NBAS: variants seen among roughly 807,000 people sequenced by gnomAD.
NBAS encodes the protein NBAS subunit of NRZ tethering complex, also known as NAG/BC035112 fusion.
In NBAS, 219 loss-of-function variants were observed where a neutral mutation model predicts 302.5. The ratio of observed to expected loss-of-function variants is 0.72; its 90% confidence interval spans 0.65 to 0.81. The LOEUF (loss-of-function observed/expected upper bound fraction) is 0.81, where lower values mean the gene tolerates loss of function less well. NBAS is among the 30% of genes least tolerant of loss of function. The pLI, the probability that NBAS is intolerant of heterozygous loss-of-function variation, is 0.00. For synonymous variants in NBAS, 1,118 were observed against 1,021.6 expected (o/e 1.09, Z -1.80); for missense variants, 2,932 against 2,841.6 (o/e 1.03, Z -0.72).
the NBAS span, among the ~76,000 whole-genome samples, chr2:15,101,802 A>G: frequency 2.6e-5 from 4 of 152,220 alleles, no homozygotes; most frequent in Admixed American, 2.6e-4. Flanking sequence ...ATTTTCCTGC[A>G]TTCTAGAGGG....
chr2:15,138,149 A>G, the NBAS span, among the ~76,000 whole-genome samples: 1 of 152,280 alleles, frequency 6.6e-6, no homozygotes, highest in South Asian at 2.1e-4. Context: ...AGGTCACCAG[A>G]GCTGAGAGCA....
chr2:15,323,796 C>G (rs1671933199), intron 38 of NBAS, among the ~76,000 whole-genome samples: 1 of 151,766 alleles, frequency 6.6e-6, no homozygotes, highest in Non-Finnish European at 1.5e-5. Context: ...AATCACGCCA[C>G]TGCACTCCAG....
chr2:14,924,385 C>T, the NBAS span, among the ~76,000 whole-genome samples: 1 of 152,226 alleles, frequency 6.6e-6, no homozygotes, highest in Non-Finnish European at 1.5e-5. Context: ...TTTTATATTC[C>T]TTCTTCTACT....
At chr2:14,791,847 G>A in the NBAS span, among the ~76,000 whole-genome samples, 1 of 129,042 alleles carries the variant, frequency 7.7e-6, no homozygotes, top group Admixed American at 7.5e-5. Context: ...TAAATAAAAT[G>A]GGCCTGAGTA....
chr2:14,972,997 TC>T, the NBAS span, among the ~76,000 whole-genome samples: 1 of 152,164 alleles, frequency 6.6e-6, no homozygotes, highest in Non-Finnish European at 1.5e-5. Flanking sequence ...TGGAGCCCCT[TC>T]CCTGTGACAC....
chr2:14,860,521 T>TA, the NBAS span, among the ~76,000 whole-genome samples: 1 of 152,208 alleles, frequency 6.6e-6, no homozygotes, highest in Non-Finnish European at 1.5e-5. Context: ...TGATATCCTT[T>TA]CATTTGCAGC....
chr2:15,534,271 TA>T, intron 9 of NBAS, among the ~76,000 whole-genome samples: 1 of 152,334 alleles, frequency 6.6e-6, no homozygotes, highest in Admixed American at 6.5e-5. Context: ...ATACCCATTT[TA>T]CAGATGAGAA....
At chr2:15,217,003 T>C (rs1392655176) in intron 48 of NBAS, among the ~76,000 whole-genome samples, 3 of 152,244 alleles carry the variant, frequency 2.0e-5, no homozygotes, top group African/African-American at 7.2e-5. Context: ...GCAAAACTAA[T>C]GTGACCTAAT....
the NBAS span, among the ~76,000 whole-genome samples, chr2:14,945,952 G>A: frequency 4.6e-5 from 7 of 152,186 alleles, no homozygotes; most frequent in African/African-American, 1.4e-4. Context: ...GTGGTGGCAC[G>A]TGCCTGTAAT....
chr2:14,814,446 G>C, the NBAS span, among the ~76,000 whole-genome samples: 1 of 152,236 alleles, frequency 6.6e-6, no homozygotes, highest in Non-Finnish European at 1.5e-5. Context: ...CTGGATGTGA[G>C]ACATGGAGTC....
intron 30 of NBAS, among the ~76,000 whole-genome samples, chr2:15,379,196 C>CTTT (rs5829503): frequency 2.7e-5 from 4 of 146,358 alleles, no homozygotes; most frequent in Admixed American, 6.8e-5. Flanking sequence ...GTCTCTCTCT[C>CTTT]TTTTTTTTTT....
the NBAS span, among the ~76,000 whole-genome samples, chr2:15,156,611 C>T: frequency 2.6e-5 from 4 of 152,128 alleles, no homozygotes; most frequent in African/African-American, 7.2e-5. Flanking sequence ...GAATCCCATT[C>T]GTGACGGCTC....
At chr2:15,543,430 CTTACGCCAAA>C (rs990332394) in intron 6 of NBAS, among the ~76,000 whole-genome samples, 1 of 152,210 alleles carries the variant, frequency 6.6e-6, no homozygotes, top group Non-Finnish European at 1.5e-5. Flanking sequence ...CTTCACAGCT[CTTACGCCAAA>C]TAATCATACA....
In NBAS at chr2:15,231,290, C is replaced by T. The variant is rs977211420; in HGVS notation, c.6236+1132G>A. The stretch of plus-strand genomic sequence containing the variant: ...GAAACACTGTGCAAGGTAAAAAGCA[C>T]GGGAAGTAGAAACCCCTGCTTGCAA... On this transcript the variant is annotated intron_variant, in intron 47 of 51. Coordinates refer to ENST00000281513, the MANE Select transcript of NBAS (RefSeq NM_015909.4). Among the ~76,000 whole-genome samples, 5 of 152,200 alleles carry T rather than the reference C, an allele frequency of 3.3e-5. No homozygotes were observed. In the South Asian group the frequency reaches 8.3e-4, roughly 25 times the overall value.
chr2:14,906,158 A>G, the NBAS span, among the ~76,000 whole-genome samples: 1 of 152,178 alleles, frequency 6.6e-6, no homozygotes, highest in African/African-American at 2.4e-5. Flanking sequence ...CAGTACTAAT[A>G]GTAGCAGCGG....
the NBAS span, among the ~76,000 whole-genome samples, chr2:15,136,355 G>C: frequency 1.3e-5 from 2 of 152,178 alleles, no homozygotes; most frequent in Non-Finnish European, 2.9e-5. Context: ...CCCCTGGAAA[G>C]GGCCATATAG....
intron 48 of NBAS, among the ~76,000 whole-genome samples, chr2:15,206,003 G>A (rs570446894): frequency 2.6e-5 from 4 of 152,278 alleles, no homozygotes; most frequent in African/African-American, 7.2e-5. Flanking sequence ...AAATGTGGAA[G>A]CACCATTGGA....
At chr2:15,486,341 G>T (rs775900459) in intron 12 of NBAS, among the ~76,000 whole-genome samples, 7 of 152,158 alleles carry the variant, frequency 4.6e-5, no homozygotes, top group Admixed American at 6.5e-5. Flanking sequence ...TCCTAAAAAT[G>T]TGTACATTTA....
chr2:14,815,550 C>T, the NBAS span, among the ~76,000 whole-genome samples: 1 of 152,328 alleles, frequency 6.6e-6, no homozygotes, highest in Admixed American at 6.5e-5. Context: ...TCACTCAATA[C>T]AATGCTCAGC....
Sources: gnomAD v4.1 joint callset for allele counts (sites outside exome capture counted in the v4.1 genomes callset) on GRCh38, gnomAD v4.1.1 for gene constraint, MANE v1.5 for transcripts, NCBI Gene and HGNC (gene_info 2026-07-23, HGNC 2026-07-21) for gene names.